LGI2: variants seen among roughly 807,000 people sequenced by gnomAD.
The protein encoded by LGI2 is leucine rich repeat LGI family member 2.
LGI2 carries 30 observed loss-of-function variants against 52.0 expected under a neutral mutation model. The ratio of observed to expected loss-of-function variants is 0.58; its 90% CI spans 0.43 to 0.78. LGI2 has a LOEUF of 0.78. Among genes scored for constraint, LGI2 ranks in the 30% least tolerant of loss-of-function variants. LGI2 has a pLI of 0.00. For synonymous variants in LGI2, 270 were observed against 271.8 expected (o/e 0.99, Z 0.06); for missense variants, 573 against 692.5 (o/e 0.83, Z 1.94).
chr4:25,001,228 G>A lies in LGI2; in HGVS notation c.*2223C>T, dbSNP rs1725231327. 6.6e-6 allele frequency: 1 copy of A among 152,254 alleles called. No homozygotes were observed. Among genetic ancestry groups the A allele is most frequent in the South Asian group, 2.1e-4 (1 of 4,830 alleles). 9.4% of individuals were successfully genotyped at this position (152,254 alleles called of 1,614,324 possible). Reference sequence around the variant, plus strand: ...AATGTGAGCAGAATAGTGAGTGCAGGGGGTCAGTCGCTCATTTACCCTCAG... The same window carrying A: ...AATGTGAGCAGAATAGTGAGTGCAGAGGGTCAGTCGCTCATTTACCCTCAG... On this transcript the variant is annotated 3_prime_UTR_variant, in exon 8 of 8. Transcript: ENST00000382114.
rs1350877946 is a variant in LGI2 at position 25,003,868 on chromosome 4, C to T, written c.1221G>A (p.Lys407=). ...IILQWNKSSK[K]FVPHGDIPNM... ...TGGGGATGTCACCATGGGGGACAAA[C>T]TTCTTAGAGCTTTTATTCCACTGGA... Residue 407 remains lysine (K), a synonymous_variant, in exon 8 of 8, where the codon AAG becomes AAA. Coordinates refer to ENST00000382114, the MANE Select transcript of LGI2 (RefSeq NM_018176.4). 1.9e-6 allele frequency: 3 copies of T among 1,614,046 alleles called. No homozygotes were observed. Among genetic ancestry groups the T allele is most frequent in the African/African-American group, 1.3e-5 (1 of 74,908 alleles).
rs531635695 is a variant in LGI2 at position 25,024,218 on chromosome 4, A to G, written c.413+602T>C. 2.1e-4 allele frequency among the ~76,000 whole-genome samples: 32 copies of G among 152,290 alleles called. 1 individual carries two copies. The South Asian group carries it at 6.0e-3, about 29-fold the overall frequency. On this transcript the variant is annotated intron_variant, in intron 4 of 7. Transcript: ENST00000382114. Reference sequence around the variant, plus strand: ...GTGCCAAGCAGGTATAAGACCCACAATGATTTCCTTCCTGGCTGGGTGCGG... The same window carrying G: ...GTGCCAAGCAGGTATAAGACCCACAGTGATTTCCTTCCTGGCTGGGTGCGG...
rs1209684094 is a variant in LGI2, at chr4:24,999,203, T to A, written c.*4248A>T. 1.3e-5 allele frequency: 2 copies of A among 152,238 alleles called. No homozygotes were observed. The highest frequency in any genetic ancestry group is 2.9e-5 in the Non-Finnish European group (2 of 68,060). The allele number at this position is 152,238 out of a possible 1,614,324, so 9.4% of individuals were successfully genotyped here. A position where few individuals can be genotyped will look rare whatever the true frequency, so the allele number is the denominator to read the frequency against. Reference sequence around the variant, plus strand: ...GAATACAGTAAGGATAATAATAACTTGGTTTCGATCTCAGTAGCTTTACAA... The same window carrying A: ...GAATACAGTAAGGATAATAATAACTAGGTTTCGATCTCAGTAGCTTTACAA... On this transcript the variant is annotated 3_prime_UTR_variant, in exon 8 of 8. Transcript: ENST00000382114.
chr4:24,993,654 G>A, the LGI2 span, among the ~76,000 whole-genome samples: 4 of 152,210 alleles, frequency 2.6e-5, no homozygotes, highest in African/African-American at 9.6e-5. Flanking sequence ...TTTTCTCACA[G>A]CTCAGCTAGC....
the LGI2 span, among the ~76,000 whole-genome samples, chr4:24,992,917 T>G: frequency 6.6e-6 from 1 of 152,200 alleles, no homozygotes; most frequent in African/African-American, 2.4e-5. Context: ...CTGAGGCTTT[T>G]TGCATATTTA....
At position 25,001,165 on chromosome 4, in the gene LGI2, C is replaced by T. The variant is rs547168020; in HGVS notation, c.*2286G>A. On this transcript the variant is annotated 3_prime_UTR_variant, in exon 8 of 8. Coordinates refer to ENST00000382114, the MANE Select transcript of LGI2 (RefSeq NM_018176.4). ...ACTCAACAGCTCTCCCCATCCTAAGCCCAGCATCCTGTGTTTCCTGGTTTC... is the reference window on the plus strand; with the variant it reads ...ACTCAACAGCTCTCCCCATCCTAAGTCCAGCATCCTGTGTTTCCTGGTTTC... 1.3e-5 allele frequency: 2 copies of T among 152,434 alleles called. No individual in the cohort carries two copies. The highest frequency in any genetic ancestry group is 3.9e-4 in the East Asian group (2 of 5,194). The allele number at this position is 152,434 out of a possible 1,614,324, so 9.4% of individuals were successfully genotyped here.
At chr4:25,030,402 A>G in intron 1 of LGI2, 95 bp downstream of exon 1, 5 of 1,328,898 alleles carry the variant, frequency 3.8e-6, no homozygotes, top group South Asian at 1.3e-5. Context: ...GGAGTGGGTC[A>G]GGGTCGCGCT....
At chr4:24,992,966 C>T in the LGI2 span, among the ~76,000 whole-genome samples, 2 of 152,214 alleles carry the variant, frequency 1.3e-5, no homozygotes, top group Admixed American at 1.3e-4. Context: ...GATAAGGGCA[C>T]AGCTTCTGGT....
chr4:25,020,192 T>C (rs914457143), intron 4 of LGI2, among the ~76,000 whole-genome samples: 1 of 151,924 alleles, frequency 6.6e-6, no homozygotes, highest in East Asian at 1.9e-4. Context: ...TAGGGAATGA[T>C]TGACTATGAT....
chr4:25,012,275 C>G, intron 7 of LGI2, 60 bp downstream of exon 7: 1 of 1,585,546 alleles, frequency 6.3e-7, no homozygotes, highest in Middle Eastern at 1.7e-4. Context: ...ATTCCTCCTC[C>G]CGCGGGCTTG....
chr4:24,993,010 C>A, the LGI2 span, among the ~76,000 whole-genome samples: 722 of 152,308 alleles, frequency 4.7e-3, 8 homozygotes, highest in East Asian at 0.042. Context: ...CCAAGCTCCT[C>A]TTCCTGCTGG....
intron 7 of LGI2, among the ~76,000 whole-genome samples, chr4:25,006,314 A>G (rs1374626879): frequency 1.3e-5 from 2 of 152,106 alleles, no homozygotes; most frequent in Admixed American, 1.3e-4. Context: ...GCAAAGGACC[A>G]CCTACGAGAC....
At chr4:25,022,519 G>C (rs1013865039) in intron 4 of LGI2, among the ~76,000 whole-genome samples, 1 of 152,126 alleles carries the variant, frequency 6.6e-6, no homozygotes, top group African/African-American at 2.4e-5. Context: ...TTCCATGCTC[G>C]CTGGACCCAA....
chr4:25,028,404 C>G, intron 2 of LGI2, 103 bp downstream of exon 2: 1 of 1,016,584 alleles, frequency 9.8e-7, no homozygotes, highest in Admixed American at 2.0e-5. Flanking sequence ...CCTCACGGAG[C>G]TGGGGTACTT....
intron 6 of LGI2, 77 bp downstream of exon 6, chr4:25,017,912 G>A (rs1725827209): frequency 5.6e-6 from 7 of 1,259,326 alleles, no homozygotes; most frequent in Non-Finnish European, 7.4e-6. Flanking sequence ...CTTTTCCCCA[G>A]TCTCTGTTGA....
chr4:25,012,915 T>G (rs1165902852), intron 6 of LGI2, among the ~76,000 whole-genome samples: 4 of 152,234 alleles, frequency 2.6e-5, no homozygotes, highest in Non-Finnish European at 5.9e-5. Context: ...AATGCTGTAC[T>G]TCCAGCTCTC....
chr4:25,026,720 A>G, intron 3 of LGI2, 148 bp downstream of exon 3: 1 of 654,546 alleles, frequency 1.5e-6, no homozygotes, highest in Admixed American at 2.5e-5. Flanking sequence ...AGTAAACTAT[A>G]AAAGGTCAGT....
At chr4:25,026,768 C>A in intron 3 of LGI2, 100 bp downstream of exon 3, 1 of 914,096 alleles carries the variant, frequency 1.1e-6, no homozygotes, top group Non-Finnish European at 1.8e-6. Flanking sequence ...GTTTCTCCAC[C>A]CCTAAACCCT....
chr4:24,999,992 G>A lies in LGI2; in HGVS notation c.*3459C>T, dbSNP rs576334250. On this transcript the variant is annotated 3_prime_UTR_variant, in exon 8 of 8. Coordinates refer to ENST00000382114, the MANE Select transcript of LGI2 (RefSeq NM_018176.4). ...TGCAGGGGGAGAAACAACCAGACCA[G>A]CTAGATATCCTCCTTAGTACAACAG... 3.0e-4 allele frequency: 114 copies of A among 383,646 alleles called. No homozygotes were observed. The highest frequency in any genetic ancestry group is 2.1e-3 in the African/African-American group (102 of 47,724). The allele number at this position is 383,646 out of a possible 1,614,324, so 23.8% of individuals were successfully genotyped here.
Sources: allele counts gnomAD v4.1 joint callset (sites outside exome capture counted in the v4.1 genomes callset), GRCh38; gene constraint gnomAD v4.1.1; transcripts MANE v1.5; gene names NCBI Gene and HGNC (gene_info 2026-07-23, HGNC 2026-07-21).